Variants in COL14A1 observed in about 807,000 individuals in gnomAD.
The protein encoded by COL14A1 is collagen alpha-1(XIV) chain.
A neutral mutation model predicts 230.3 loss-of-function variants in COL14A1; 136 were observed. The ratio of observed to expected loss-of-function variants is 0.59; its 90% confidence interval spans 0.51 to 0.68. The LOEUF (loss-of-function observed/expected upper bound fraction) is 0.68, where lower values mean the gene tolerates loss of function less well. Among genes scored for constraint, COL14A1 ranks in the 30% least tolerant of loss-of-function variants. The pLI, the probability that COL14A1 is intolerant of heterozygous loss-of-function variation, is 0.00. For missense variants in COL14A1, 1,976 were observed against 2,215.8 expected, an observed-to-expected ratio of 0.89 and a Z score of 2.17; for synonymous variants, 792 against 784.1, an observed-to-expected ratio of 1.01 and a Z score of -0.17.
In COL14A1 at chr8:120,342,586, A is replaced by C. The variant is rs745918600; in HGVS notation, c.4888+140A>C. ...AGACACATAAGCTTTACAGATGACC[A>C]TCACTGACCCATCAAAGAGATCACT... On this transcript the variant is annotated intron_variant, in intron 44 of 47. Coordinates refer to ENST00000297848, the MANE Select transcript of COL14A1 (RefSeq NM_021110.4). 590 of 760,120 alleles carry C rather than the reference A, an allele frequency of 7.8e-4. 2 individuals are homozygous for C. The highest frequency in any genetic ancestry group is 1.7e-4 in the Non-Finnish European group (75 of 454,244). 47.1% of individuals were successfully genotyped at this position (760,120 alleles called of 1,614,324 possible).
chr8:120,232,894 T>C (rs139869277), intron 19 of COL14A1, among the ~76,000 whole-genome samples: 1,547 of 152,282 alleles, frequency 0.01, 31 homozygotes, highest in African/African-American at 0.036. Flanking sequence ...AGTGTAAAAG[T>C]GTTCCTATTT....
intron 36 of COL14A1, among the ~76,000 whole-genome samples, chr8:120,305,127 T>C (rs6469908): frequency 0.54 from 81,643 of 151,440 alleles, 23,769 homozygotes; most frequent in African/African-American, 0.78. Flanking sequence ...TACAGGCATG[T>C]GCCACCATGC....
chr8:120,268,122 C>G lies in COL14A1; in HGVS notation c.3073+1239C>G, dbSNP rs1819552069. On this transcript the variant is annotated intron_variant, in intron 25 of 47. Coordinates refer to ENST00000297848, the MANE Select transcript of COL14A1 (RefSeq NM_021110.4). ...ATCCTAGGATGGCATGCAGAGTCTTCACAAATCAATCTACTTTGCAGTATT... is the reference window on the plus strand; with the variant it reads ...ATCCTAGGATGGCATGCAGAGTCTTGACAAATCAATCTACTTTGCAGTATT... Among the ~76,000 whole-genome samples, 3 of 151,794 alleles carry G rather than the reference C, an allele frequency of 2.0e-5. No homozygotes were observed. The South Asian group carries it at 6.2e-4, about 31-fold the overall frequency.
At chr8:120,199,158 GTGTTCT>G (rs1817144252) in intron 7 of COL14A1, among the ~76,000 whole-genome samples, 1 of 152,162 alleles carries the variant, frequency 6.6e-6, no homozygotes, top group Non-Finnish European at 1.5e-5. Flanking sequence ...CATGAATTCA[GTGTTCT>G]TTATAAATGC....
chr8:120,237,435 C>T (rs938855013), intron 19 of COL14A1, among the ~76,000 whole-genome samples: 1 of 152,288 alleles, frequency 6.6e-6, no homozygotes, highest in African/African-American at 2.4e-5. Context: ...TCACAAAGTT[C>T]TTACGCTGTG....
chr8:120,269,091 C>T (rs1819583101), intron 25 of COL14A1, among the ~76,000 whole-genome samples: 1 of 151,632 alleles, frequency 6.6e-6, no homozygotes, highest in Non-Finnish European at 1.5e-5. Context: ...AAAATAAAAA[C>T]TAAGTGAGGT....
intron 18 of COL14A1, among the ~76,000 whole-genome samples, chr8:120,229,664 C>G (rs1818207611): frequency 6.6e-6 from 1 of 152,116 alleles, no homozygotes; most frequent in Non-Finnish European, 1.5e-5. Context: ...ATTGCTAGTT[C>G]TAGATCCCTG....
chr8:120,365,019 AT>A (rs56948873), intron 45 of COL14A1, among the ~76,000 whole-genome samples: 36,576 of 151,484 alleles, frequency 0.24, 6,665 homozygotes, highest in African/African-American at 0.51. Flanking sequence ...TTTTTTTAAT[AT>A]TTTTTGTGAG....
chr8:120,206,978 T>G lies in COL14A1; in HGVS notation c.1075T>G (p.Leu359Val), dbSNP rs1192421484. ...AHAITGPPTE[L>V]ITSEVTARSF... The stretch of plus-strand genomic sequence containing the variant: ...TGCCATCACTGGGCCGCCTACGGAG[T>G]TGATTACTTCTGAAGTCACTGCCAG... Residue 359 changes from leucine to valine, a missense_variant, in exon 10 of 48, where the codon TTG (leucine) becomes GTG (valine). Coordinates refer to ENST00000297848, the MANE Select transcript of COL14A1 (RefSeq NM_021110.4). The G allele has an allele frequency of 1.2e-6, 2 of 1,613,172 alleles. No individual in the cohort carries two copies. The highest frequency in any genetic ancestry group is 1.7e-6 in the Non-Finnish European group (2 of 1,179,758).
chr8:120,268,874 A>C (rs920699554), intron 25 of COL14A1, among the ~76,000 whole-genome samples: 1 of 151,660 alleles, frequency 6.6e-6, no homozygotes, highest in Non-Finnish European at 1.5e-5. Flanking sequence ...TTATCTTTCC[A>C]TGGAAACAGA....
At chr8:120,297,397 C>A in intron 34 of COL14A1, 114 bp from the exon 35 acceptor site, 1 of 466,850 alleles carries the variant, frequency 2.1e-6, no homozygotes, top group Non-Finnish European at 3.5e-6. Flanking sequence ...AATTTACTTA[C>A]TGTAATGTAT....
intron 45 of COL14A1, among the ~76,000 whole-genome samples, chr8:120,361,240 C>G (rs1563757381): frequency 2.6e-5 from 4 of 152,114 alleles, no homozygotes. Context: ...TTGTATTTCC[C>G]TGGCTGAGCT....
At chr8:120,143,760 A>G (rs1814997210) in intron 1 of COL14A1, among the ~76,000 whole-genome samples, 1 of 152,122 alleles carries the variant, frequency 6.6e-6, no homozygotes, top group Non-Finnish European at 1.5e-5. Context: ...TCTGCTTGGT[A>G]TAATCCCTCT....
At chr8:120,323,044 C>T (rs943918316) in intron 40 of COL14A1, among the ~76,000 whole-genome samples, 4 of 152,174 alleles carry the variant, frequency 2.6e-5, no homozygotes, top group Non-Finnish European at 4.4e-5. Flanking sequence ...TCCTTTTTCT[C>T]CACAACTTCT....
At chr8:120,359,933 C>T (rs376582591) in intron 45 of COL14A1, among the ~76,000 whole-genome samples, 3 of 152,156 alleles carry the variant, frequency 2.0e-5, no homozygotes, top group Admixed American at 6.5e-5. Flanking sequence ...CTCTTTCCTT[C>T]CTACTGCACT....
At position 120,195,067 on chromosome 8, in the gene COL14A1, A is replaced by T. The variant is rs541702849; in HGVS notation, c.437-1724A>T. The stretch of plus-strand genomic sequence containing the variant: ...GATTAAGTTGTACTGTTTAGCTTCC[A>T]TAATGAATATTGGAGTATTTCATTG... On this transcript the variant is annotated intron_variant, in intron 5 of 47. Coordinates refer to ENST00000297848, the MANE Select transcript of COL14A1 (RefSeq NM_021110.4). Among the ~76,000 whole-genome samples the T allele has an allele frequency of 1.8e-4, 27 of 152,354 alleles. No individual in the cohort carries two copies. The East Asian group carries it at 5.2e-3, about 29-fold the overall frequency.
At chr8:120,235,357 G>A (rs1466955436) in intron 19 of COL14A1, among the ~76,000 whole-genome samples, 1 of 151,928 alleles carries the variant, frequency 6.6e-6, no homozygotes, top group Non-Finnish European at 1.5e-5. Context: ...TTTTAGTAGA[G>A]ATGGGTTTTC....
intron 19 of COL14A1, among the ~76,000 whole-genome samples, chr8:120,235,209 C>T (rs1158551749): frequency 6.6e-6 from 1 of 152,100 alleles, no homozygotes; most frequent in African/African-American, 2.4e-5. Flanking sequence ...CACTCTGTTG[C>T]CCAGGCTGGG....
At chr8:120,166,875 AGTGT>A (rs4053270) in intron 4 of COL14A1, among the ~76,000 whole-genome samples, 4,568 of 117,000 alleles carry the variant, frequency 0.039, 124 homozygotes, top group African/African-American at 0.085. Flanking sequence ...AAAGAATTTA[AGTGT>A]GTGTGTGTGT....
Sources: allele counts gnomAD v4.1 joint callset (sites outside exome capture counted in the v4.1 genomes callset), GRCh38; gene constraint gnomAD v4.1.1; transcripts MANE v1.5; gene names NCBI Gene and HGNC (gene_info 2026-07-23, HGNC 2026-07-21).